Variants in PTPRH observed in about 807,000 individuals in gnomAD.
PTPRH encodes the protein receptor-type tyrosine-protein phosphatase H.
A neutral mutation model predicts 130.2 loss-of-function variants in PTPRH; 113 were observed. The ratio of observed to expected loss-of-function variants is 0.87; its 90% confidence interval spans 0.75 to 1.01. The LOEUF (loss-of-function observed/expected upper bound fraction) is 1.01, where lower values mean the gene tolerates loss of function less well. Ranked by LOEUF, PTPRH falls within the 50% of genes least tolerant of loss-of-function variation. The pLI is 0.00. For missense variants in PTPRH, 1,430 were observed against 1,425.0 expected (o/e 1.00, Z -0.06); for synonymous variants, 556 against 577.9 (o/e 0.96, Z 0.54).
chr19:55,186,384 AG>A (rs148069644), intron 15 of PTPRH, 25 bp from the exon 16 acceptor site: 159,104 of 1,612,002 alleles, frequency 0.099, 8,752 homozygotes, highest in African/African-American at 0.18. Flanking sequence ...CAGGCGGGTC[AG>A]GGGGGCCTTT....
rs145382307 is a variant in PTPRH, at chr19:55,202,113, C to T, written c.1096G>A (p.Val366Met). The change falls in exon 6 of 20, where the codon GTG becomes ATG. Residue 366 changes from valine (V) to methionine (M), a missense_variant. Val to Met is a conservative substitution (Grantham distance 21). Coordinates refer to ENST00000376350, the MANE Select transcript of PTPRH (RefSeq NM_002842.5). ...TTGATTCCATTCTTCCCCACCCACA[C>T]GGAAAACACATACAAACACCCGGGT... Reference protein sequence around the residue: ...LEPGCLYVFSVWVGKNGINSS... With the variant: ...LEPGCLYVFSMWVGKNGINSS... The T allele has an allele frequency of 6.1e-4, 992 of 1,614,200 alleles. 12 individuals carry two copies. In the South Asian group the frequency reaches 9.9e-3, roughly 16 times the overall value.
chr19:55,197,859 C>T (rs1279939211), intron 8 of PTPRH, among the ~76,000 whole-genome samples: 5 of 152,152 alleles, frequency 3.3e-5, no homozygotes, highest in Admixed American at 1.3e-4. Context: ...AGACACACCA[C>T]GTTTGTAGAG....
intron 10 of PTPRH, chr19:55,192,207 C>A (rs1208348865): frequency 1.4e-5 from 5 of 347,914 alleles, no homozygotes; most frequent in Admixed American, 4.0e-5. Context: ...TCGAGACCAT[C>A]CTGGTTAACA....
At chr19:55,196,880 C>T (rs956002368) in intron 9 of PTPRH, 92 bp from the exon 10 acceptor site, 27 of 1,456,348 alleles carry the variant, frequency 1.9e-5, no homozygotes, top group Middle Eastern at 2.0e-4. Flanking sequence ...ACGAGCCCAT[C>T]CCTTCCTCGC....
Position 55,181,723 on chromosome 19 carries a change from GC to G in PTPRH, c.*30del, listed in dbSNP as rs778390483. The G allele has an allele frequency of 6.2e-7, 1 of 1,613,398 alleles. No homozygotes were observed. Among genetic ancestry groups the G allele is most frequent in the East Asian group, 2.2e-5 (1 of 44,878 alleles). ...AAGTGGGTGTCCAGAGCTTGAGGATGCCTGGGCTGCCGACCCAGCCCCCTCG... is the reference window on the plus strand; with the variant it reads ...AAGTGGGTGTCCAGAGCTTGAGGATGCTGGGCTGCCGACCCAGCCCCCTCG... On this transcript the variant is annotated 3_prime_UTR_variant, in exon 20 of 20. Coordinates refer to ENST00000376350, the MANE Select transcript of PTPRH (RefSeq NM_002842.5).
At chr19:55,197,610 C>T (rs2086728458) in intron 8 of PTPRH, among the ~76,000 whole-genome samples, 194 bp from the exon 9 acceptor site, 1 of 152,186 alleles carries the variant, frequency 6.6e-6, no homozygotes, top group African/African-American at 2.4e-5. Context: ...TCTCCGTCCC[C>T]TGGCTACAGC....
rs139436074 is a variant in PTPRH, at chr19:55,201,979, T to G, written c.1153+77A>C. The G allele has an allele frequency of 2.9e-3, 4,624 of 1,574,024 alleles. 10 individuals are homozygous for G. The highest frequency in any genetic ancestry group is 3.6e-3 in the Non-Finnish European group (4,202 of 1,157,964). On this transcript the variant is annotated intron_variant, in intron 6 of 19. Coordinates refer to ENST00000376350, the MANE Select transcript of PTPRH (RefSeq NM_002842.5). ...AATATGGCCCAGAGGGACTATGGAA[T>G]AGACAATCGTCTACATTCTACTGCT...
Position 55,194,194 on chromosome 19 carries a change from T to A in PTPRH, c.2257+2328A>T, listed in dbSNP as rs769476155. ...GTGCTCTCAGGCTCTGATGGCACAG[T>A]TCTCCCAAGATCTGTCATTAGATGT... is the stretch of plus-strand genomic sequence containing the variant. On this transcript the variant is annotated intron_variant, in intron 10 of 19. Coordinates refer to ENST00000376350, the MANE Select transcript of PTPRH (RefSeq NM_002842.5). 16 of 1,289,378 alleles carry A rather than the reference T, an allele frequency of 1.2e-5. No individual in the cohort carries two copies. In the South Asian group the frequency reaches 1.9e-4, roughly 15 times the overall value. The allele number at this position is 1,289,378 out of a possible 1,614,324, so 79.9% of individuals were successfully genotyped here. A position where few individuals can be genotyped will look rare whatever the true frequency, so the allele number is the denominator to read the frequency against.
chr19:55,194,166 T>C (rs1600026477), intron 10 of PTPRH: 1 of 1,288,930 alleles, frequency 7.8e-7, no homozygotes, highest in East Asian at 5.5e-5. Context: ...GTGGTGTCTA[T>C]GGGTGCTCTC....
chr19:55,181,631 C>CCCCCTCCTCCCACA lies in PTPRH; in HGVS notation c.*109_*122dup. ...GGGAAACCAGAGTTTGGGATACCAG[C>CCCCCTCCTCCCACA]CCCCTCCTCCCACAGCACCCAGGAG... is the stretch of plus-strand genomic sequence containing the variant. On this transcript the variant is annotated 3_prime_UTR_variant, in exon 20 of 20. Transcript: ENST00000376350. The CCCCCTCCTCCCACA allele has an allele frequency of 1.5e-6, 2 of 1,357,812 alleles. No individual in the cohort carries two copies. Among genetic ancestry groups the CCCCCTCCTCCCACA allele is most frequent in the Middle Eastern group, 5.2e-4 (2 of 3,824 alleles). The allele number at this position is 1,357,812 out of a possible 1,614,324, so 84.1% of individuals were successfully genotyped here.
rs912678288 is a variant in PTPRH at position 55,202,151 on chromosome 19, A to G, written c.1058T>C (p.Val353Ala). 8 of 1,614,148 alleles carry G rather than the reference A, an allele frequency of 5.0e-6. No homozygotes were observed. The highest frequency in any genetic ancestry group is 1.6e-4 in the Middle Eastern group (1 of 6,062). ...TRSTAHTNITVDRLEPGCLYV... is the reference protein window; with the variant it reads ...TRSTAHTNITADRLEPGCLYV... ...CAAACACCCGGGTTCAAGTCTATCC[A>G]CGGTGATGTTGGTGTGTGCTGTGCT... Residue 353 changes from valine (V) to alanine (A), a missense_variant, in exon 6 of 20, where the codon GTG becomes GCG. Transcript: ENST00000376350.
chr19:55,200,242 A>G lies in PTPRH; in HGVS notation c.1414T>C (p.Ser472Pro), dbSNP rs2086815091. 1 of 1,614,148 alleles carries G rather than the reference A, an allele frequency of 6.2e-7. No individual in the cohort carries two copies. Among genetic ancestry groups the G allele is most frequent in the African/African-American group, 1.3e-5 (1 of 75,040 alleles). ...ARGSRQNVSI[S>P]TVPNAVTSLS... is the part of the protein sequence containing the mutation. ...GGCCGTTGAGGGTTCCTACCTGTGG[A>G]GATGCTGACATTCTGCCTGGAGCCA... The change falls in exon 7 of 20, where the codon TCC (serine) becomes CCC (proline). Residue 472 changes from serine to proline, a missense_variant. Transcript: ENST00000376350.
chr19:55,186,046 T>A (rs2086313952), intron 16 of PTPRH, 62 bp from the exon 17 acceptor site: 1 of 1,610,636 alleles, frequency 6.2e-7, no homozygotes, highest in Admixed American at 1.7e-5. Flanking sequence ...GGGGTCTGCT[T>A]TAGGCCCCAA....
At chr19:55,194,417 G>A (rs1490796243) in intron 10 of PTPRH, 1 of 1,051,434 alleles carries the variant, frequency 9.5e-7, no homozygotes, top group Non-Finnish European at 1.2e-6. Context: ...GTTCTCTCAG[G>A]GATCCTTGTT....
chr19:55,190,868 G>C lies in PTPRH; in HGVS notation c.2384+633C>G, dbSNP rs745412091. 5.9e-4 allele frequency among the ~76,000 whole-genome samples: 90 copies of C among 151,814 alleles called. 3 individuals are homozygous for C. Among genetic ancestry groups the C allele is most frequent in the South Asian group, 8.3e-4 (4 of 4,806 alleles). Reference sequence around the variant, plus strand: ...ATTACTATTATTTTTTTGAGACGGAGTCTCGATCTGTCACCCAGGCTGCAG... The same window carrying C: ...ATTACTATTATTTTTTTGAGACGGACTCTCGATCTGTCACCCAGGCTGCAG... On this transcript the variant is annotated intron_variant, in intron 12 of 19. Transcript: ENST00000376350.
chr19:55,197,273 G>T lies in PTPRH; in HGVS notation c.1834C>A (p.Gln612Lys). The T allele has an allele frequency of 6.2e-7, 1 of 1,614,260 alleles. No individual in the cohort carries two copies. The change falls in exon 9 of 20, where the codon CAA becomes AAA. Residue 612 changes from glutamine to lysine, a missense_variant. Physicochemically the swap from Gln to Lys is moderately conservative, Grantham distance 53. Transcript: ENST00000376350. ...WASKGHPRRGQDPQANWVNQT... is the reference protein window; with the variant it reads ...WASKGHPRRGKDPQANWVNQT... ...TTGACCCAATTCGCTTGGGGATCTT[G>T]CCCCCTCCGGGGATGTCCCTTGCTG...
In PTPRH at chr19:55,202,294, C is replaced by G; in HGVS notation, c.915G>C (p.Val305=). ...TAPNPVRNLT[V]EAQTNSSIAL... is the part of the protein sequence containing the mutation. ...CGATGGAGCTGTTGGTCTGAGCCTC[C>G]ACTGTCAGGTTTCTCACTGGGTTGG... Residue 305 remains valine (V), a synonymous_variant, in exon 6 of 20, where the codon GTG becomes GTC. Transcript: ENST00000376350. 1 of 1,614,218 alleles carries G rather than the reference C, an allele frequency of 6.2e-7. No homozygotes were observed.
At chr19:55,196,882 C>G (rs988793427) in intron 9 of PTPRH, 94 bp from the exon 10 acceptor site, 118 of 1,459,352 alleles carry the variant, frequency 8.1e-5, no homozygotes, top group Non-Finnish European at 1.0e-4. Flanking sequence ...GAGCCCATCC[C>G]TTCCTCGCCA....
Position 55,182,210 on chromosome 19 carries a change from T to C in PTPRH, c.3063-59A>G, listed in dbSNP as rs1466445049. The C allele has an allele frequency of 3.8e-6, 6 of 1,558,898 alleles. No homozygotes were observed. In the African/African-American group the frequency reaches 4.1e-5, roughly 11 times the overall value. On this transcript the variant is annotated intron_variant, in intron 18 of 19. Transcript: ENST00000376350. ...GCAGGAGTGTGAGGGTCCGGGGTCA[T>C]GGCTGATTGGAGGGATCTGTGTTTG...
Sources: gnomAD v4.1 joint callset for allele counts (sites outside exome capture counted in the v4.1 genomes callset) on GRCh38, gnomAD v4.1.1 for gene constraint, MANE v1.5 for transcripts, NCBI Gene and HGNC (gene_info 2026-07-23, HGNC 2026-07-21) for gene names.